DNAH12: variants seen among roughly 807,000 people sequenced by gnomAD.
DNAH12 encodes dynein axonemal heavy chain 12, also known as axonemal beta dynein heavy chain 12.
DNAH12 carries 285 observed loss-of-function variants against 371.5 expected under a neutral mutation model. The observed-to-expected ratio is 0.77, with a 90% CI of 0.70 to 0.85. The LOEUF is 0.85. Ranked by LOEUF, DNAH12 falls within the 40% of genes least tolerant of loss-of-function variation. The pLI is 0.00. For missense variants in DNAH12, 3,611 were observed against 3,689.4 expected (o/e 0.98, Z 0.55); for synonymous variants, 1,200 against 1,213.0 (o/e 0.99, Z 0.22).
chr3:57,466,801 G>A (rs538443684), intron 17 of DNAH12, among the ~76,000 whole-genome samples: 2 of 152,022 alleles, frequency 1.3e-5, no homozygotes, highest in African/African-American at 2.4e-5. Flanking sequence ...CCAGGAGTGC[G>A]GCAGTATAAT....
chr3:57,361,411 T>C (rs1003386733), intron 58 of DNAH12, among the ~76,000 whole-genome samples: 1,396 of 139,382 alleles, frequency 0.01, 43 homozygotes, highest in African/African-American at 0.038. Context: ...TATATATATA[T>C]ACACACACAC....
chr3:57,499,647 A>AAAATATATATATATATAT (rs1451248906), intron 11 of DNAH12, among the ~76,000 whole-genome samples: 3 of 17,950 alleles, frequency 1.7e-4, no homozygotes, highest in Admixed American at 5.5e-4. Flanking sequence ...AAAAAAAAAA[A>AAAATATATATATATATAT]ATATATATAT....
At chr3:57,424,308 A>G (rs1013464404) in intron 35 of DNAH12, among the ~76,000 whole-genome samples, 1 of 150,774 alleles carries the variant, frequency 6.6e-6, no homozygotes. Context: ...TGCCTTTACT[A>G]AAGATAAAAA....
chr3:57,420,908 C>CA (rs369971376), intron 36 of DNAH12, among the ~76,000 whole-genome samples: 3,598 of 77,608 alleles, frequency 0.046, 114 homozygotes, highest in East Asian at 0.064. Flanking sequence ...GACTCCGTCT[C>CA]AAAAAAAAAA....
intron 55 of DNAH12, among the ~76,000 whole-genome samples, chr3:57,371,742 CAG>C (rs1243539479): frequency 6.8e-6 from 1 of 148,118 alleles, no homozygotes; most frequent in Non-Finnish European, 1.5e-5. Context: ...AAACTAAAGA[CAG>C]AGAAAAATTG....
chr3:57,304,662 C>A (rs571345226), intron 69 of DNAH12, among the ~76,000 whole-genome samples: 1 of 152,182 alleles, frequency 6.6e-6, no homozygotes, highest in Non-Finnish European at 1.5e-5. Flanking sequence ...TATTCACCCA[C>A]GTTTCAGAGG....
intron 25 of DNAH12, among the ~76,000 whole-genome samples, chr3:57,449,627 C>T (rs1184876204): frequency 6.6e-6 from 1 of 152,206 alleles, no homozygotes; most frequent in African/African-American, 2.4e-5. Flanking sequence ...GCAGGGCTGG[C>T]CGGCTGCTCA....
chr3:57,520,599 C>T (rs1269469585), intron 4 of DNAH12, among the ~76,000 whole-genome samples: 1 of 151,574 alleles, frequency 6.6e-6, no homozygotes, highest in Non-Finnish European at 1.5e-5. Context: ...CCCGCCACCA[C>T]GCCCAGCTAA....
At chr3:57,333,807 T>G (rs918850155) in intron 62 of DNAH12, among the ~76,000 whole-genome samples, 2 of 152,088 alleles carry the variant, frequency 1.3e-5, no homozygotes, top group Non-Finnish European at 2.9e-5. Context: ...ATTCACAATG[T>G]CCAGTATCCA....
At chr3:57,387,053 TTCATTG>T (rs1385495005) in intron 46 of DNAH12, 27 bp downstream of exon 46, 1 of 152,134 alleles carries the variant, frequency 6.6e-6, no homozygotes, top group Non-Finnish European at 1.5e-5. Flanking sequence ...CACAAATCCC[TTCATTG>T]TCATTTTTAA....
intron 45 of DNAH12, among the ~76,000 whole-genome samples, chr3:57,389,888 T>A (rs2063579203): frequency 6.9e-6 from 1 of 144,976 alleles, no homozygotes; most frequent in Non-Finnish European, 1.5e-5. Flanking sequence ...CAGGTTGGAA[T>A]GCAGTGGCAC....
At chr3:57,498,855 T>C (rs931582139) in intron 11 of DNAH12, among the ~76,000 whole-genome samples, 2 of 151,862 alleles carry the variant, frequency 1.3e-5, no homozygotes, top group African/African-American at 4.8e-5. Context: ...AAAAATTAGC[T>C]GGCCATGGTG....
intron 43 of DNAH12, among the ~76,000 whole-genome samples, chr3:57,402,146 T>C (rs1306004361): frequency 6.6e-6 from 1 of 152,226 alleles, no homozygotes; most frequent in Non-Finnish European, 1.5e-5. Context: ...AAGTGTAATT[T>C]TCCTTTCATG....
chr3:57,513,674 A>T (rs1207401525), intron 4 of DNAH12, among the ~76,000 whole-genome samples: 1 of 152,242 alleles, frequency 6.6e-6, no homozygotes, highest in Non-Finnish European at 1.5e-5. Flanking sequence ...AAATATAATT[A>T]AAATGGCACT....
intron 2 of DNAH12, among the ~76,000 whole-genome samples, chr3:57,531,793 C>G (rs962239075): frequency 7.4e-6 from 1 of 135,392 alleles, no homozygotes; most frequent in Non-Finnish European, 1.6e-5. Context: ...AAAAAAAAAG[C>G]CTTGAGGTCA....
intron 60 of DNAH12, among the ~76,000 whole-genome samples, chr3:57,347,945 G>A (rs545001803): frequency 2.6e-5 from 4 of 152,212 alleles, no homozygotes; most frequent in Admixed American, 2.6e-4. Flanking sequence ...GGCCACTCAG[G>A]AAGACAGTTT....
At chr3:57,433,274 T>A in intron 32 of DNAH12, 93 bp downstream of exon 32, 1 of 1,344,280 alleles carries the variant, frequency 7.4e-7, no homozygotes, top group Non-Finnish European at 9.6e-7. Flanking sequence ...TATTTTTGCA[T>A]CCTTTATTTT....
Position 57,483,482 on chromosome 3 carries a change from T to C in DNAH12, c.1544A>G (p.Glu515Gly), listed in dbSNP as rs1342545496. ...TGTTTCAGGGACTTTTAATGCATGT[T>C]CTTTAATTGCTTCAAATTCACTGCA... ...CICSEFEAIKEHALKVPETTE... is the reference protein window; with the variant it reads ...CICSEFEAIKGHALKVPETTE... Residue 515 changes from glutamate to glycine, a missense_variant, in exon 13 of 74, where the codon GAA (glutamate) becomes GGA (glycine). Around this residue, in one of 3 missense-constraint regions of DNAH12, gnomAD observed 1,314 missense variants for 1,398.7 expected, o/e 0.94. Coordinates refer to ENST00000495027, the MANE Select transcript of DNAH12 (RefSeq NM_001366028.2). 1.3e-6 allele frequency: 2 copies of C among 1,550,774 alleles called. No individual in the cohort carries two copies. Among genetic ancestry groups the C allele is most frequent in the Non-Finnish European group, 1.7e-6 (2 of 1,146,796 alleles).
At chr3:57,354,540 AAAAAAAAAAG>A (rs2062753555) in intron 59 of DNAH12, among the ~76,000 whole-genome samples, 4 of 84,236 alleles carry the variant, frequency 4.7e-5, no homozygotes, top group East Asian at 3.1e-4. Context: ...TTGTTTGCTA[AAAAAAAAAAG>A]AAAAAAAAAA....
Sources: allele counts gnomAD v4.1 joint callset (sites outside exome capture counted in the v4.1 genomes callset), GRCh38; gene constraint gnomAD v4.1.1; regional missense constraint gnomAD v4.1.1; transcripts MANE v1.5; gene names NCBI Gene and HGNC (gene_info 2026-07-23, HGNC 2026-07-21).